ITIH2: variants seen among roughly 807,000 people sequenced by gnomAD.
The protein encoded by ITIH2 is inter-alpha-trypsin inhibitor heavy chain H2.
A neutral mutation model predicts 104.4 loss-of-function variants in ITIH2; 103 were observed. The observed-to-expected ratio is 0.99, with a 90% CI of 0.84 to 1.16. The LOEUF (loss-of-function observed/expected upper bound fraction) is 1.16, where lower values mean the gene tolerates loss of function less well. Among genes scored for constraint, ITIH2 ranks in the 50% most tolerant of loss-of-function variants. The pLI is 0.00. For missense variants in ITIH2, 1,108 were observed against 1,162.4 expected (o/e 0.95, Z 0.68); for synonymous variants, 436 against 435.4 (o/e 1.00, Z -0.02).
At chr10:7,708,153 T>C (rs773705775) in intron 3 of ITIH2, among the ~76,000 whole-genome samples, 2 of 152,238 alleles carry the variant, frequency 1.3e-5, no homozygotes, top group African/African-American at 2.4e-5. Context: ...AGGTTTAATG[T>C]TGGACTACAA....
chr10:7,738,581 G>A (rs1011224732), intron 15 of ITIH2, 40 bp from the exon 16 acceptor site: 1 of 1,611,050 alleles, frequency 6.2e-7, no homozygotes, highest in African/African-American at 1.3e-5. Flanking sequence ...CCGTGGAAAC[G>A]TAAATCTAGA....
At position 7,732,005 on chromosome 10, in the gene ITIH2, A is replaced by T. The variant is rs776711550; in HGVS notation, c.1647+9A>T. The T allele has an allele frequency of 6.2e-7, 1 of 1,605,860 alleles. No individual in the cohort carries two copies. The highest frequency in any genetic ancestry group is 8.5e-7 in the Non-Finnish European group (1 of 1,173,550). On this transcript the variant is annotated intron_variant, in intron 13 of 20. Coordinates refer to ENST00000358415, the MANE Select transcript of ITIH2 (RefSeq NM_002216.3). ...TTATCACGGCGACTTCGGTACTTCCACTTATCCATTTATTCTATCTACTAA... is the reference window on the plus strand; with the variant it reads ...TTATCACGGCGACTTCGGTACTTCCTCTTATCCATTTATTCTATCTACTAA...
At chr10:7,742,052 C>A (rs1450614742) in intron 16 of ITIH2, among the ~76,000 whole-genome samples, 2 of 152,202 alleles carry the variant, frequency 1.3e-5, no homozygotes, top group South Asian at 2.1e-4. Flanking sequence ...CACTATTGCA[C>A]CATGTACTTC....
At chr10:7,707,418 GGA>G (rs2131151831) in intron 3 of ITIH2, among the ~76,000 whole-genome samples, 185 bp downstream of exon 3, 1 of 152,246 alleles carries the variant, frequency 6.6e-6, no homozygotes, top group East Asian at 1.9e-4. Context: ...TTTACAGACA[GGA>G]GAGAGGCCAC....
chr10:7,708,984 T>C, intron 3 of ITIH2, 38 bp from the exon 4 acceptor site: 2 of 1,561,984 alleles, frequency 1.3e-6, no homozygotes, highest in Non-Finnish European at 1.8e-6. Flanking sequence ...CTGTGTGATT[T>C]TTCTATCAGT....
intron 16 of ITIH2, among the ~76,000 whole-genome samples, chr10:7,741,632 C>A (rs979045106): frequency 1.3e-5 from 2 of 152,158 alleles, no homozygotes; most frequent in African/African-American, 4.8e-5. Flanking sequence ...TCCTGTAACT[C>A]CTCTGCAAAC....
chr10:7,725,267 G>T (rs1240900229), intron 9 of ITIH2, among the ~76,000 whole-genome samples: 2 of 152,212 alleles, frequency 1.3e-5, no homozygotes, highest in Non-Finnish European at 2.9e-5. Flanking sequence ...ATCTAAATAG[G>T]TGGTTTCCTG....
Position 7,731,840 on chromosome 10 carries a change from G to A in ITIH2, c.1491G>A (p.Leu497=), listed in dbSNP as rs368041172. Residue 497 remains leucine, a synonymous_variant, in exon 13 of 21, where the codon TTG becomes TTA. Transcript: ENST00000358415. ...TCTACAACCAGGTCTCCACTCCATT[G>A]CTCCGGAATGTTCAGTTCAACTATC... is the stretch of plus-strand genomic sequence containing the variant. ...KKFYNQVSTP[L]LRNVQFNYPH... 1 of 1,612,172 alleles carries A rather than the reference G, an allele frequency of 6.2e-7. No individual in the cohort carries two copies. The highest frequency in any genetic ancestry group is 8.5e-7 in the Non-Finnish European group (1 of 1,178,940).
At position 7,749,444 on chromosome 10, in the gene ITIH2, A is replaced by C; in HGVS notation, c.*110A>C. The stretch of plus-strand genomic sequence containing the variant: ...AAATGAACCAGATATCAGGGTGGTT[A>C]ATTAAAATGAACCAGATATCAGGGT... On this transcript the variant is annotated 3_prime_UTR_variant, in exon 21 of 21. Transcript: ENST00000358415. 1.1e-6 allele frequency: 1 copy of C among 897,608 alleles called. No individual in the cohort carries two copies. The highest frequency in any genetic ancestry group is 1.7e-6 in the Non-Finnish European group (1 of 596,264). The allele number at this position is 897,608 out of a possible 1,614,324, so 55.6% of individuals were successfully genotyped here.
At position 7,741,425 on chromosome 10, in the gene ITIH2, G is replaced by A. The variant is rs1484312562; in HGVS notation, c.2096-1721G>A. Among the ~76,000 whole-genome samples the A allele has an allele frequency of 3.9e-5, 6 of 152,006 alleles. No homozygotes were observed. The East Asian group carries it at 7.7e-4, about 20-fold the overall frequency. On this transcript the variant is annotated intron_variant, in intron 16 of 20. Transcript: ENST00000358415. ...GAATGCCTGACCTCGTGATCCACCC[G>A]CCTCAGCCTCCCAAAGTGCTGGGAT...
At position 7,743,199 on chromosome 10, in the gene ITIH2, T is replaced by G. The variant is rs545008351; in HGVS notation, c.2149T>G (p.Cys717Gly). Residue 717 changes from cysteine (C) to glycine (G), a missense_variant, in exon 17 of 21, where the codon TGT becomes GGT. Physicochemically the swap from Cys to Gly is radical, Grantham distance 159 (BLOSUM62 -3). Transcript: ENST00000358415. ...IYLPKSQKNICFNIDSEPGKI... is the reference protein window; with the variant it reads ...IYLPKSQKNIGFNIDSEPGKI... ...TCTACCAAAAAGCCAAAAGAACATT[T>G]GTTTCAATATTGACTCAGAACCTGG... 1.1e-5 allele frequency: 18 copies of G among 1,594,194 alleles called. No individual in the cohort carries two copies. The highest frequency in any genetic ancestry group is 1.5e-5 in the Non-Finnish European group (17 of 1,171,992).
At chr10:7,705,037 T>A (rs1834732615) in intron 1 of ITIH2, 71 bp from the exon 2 acceptor site, 1 of 972,664 alleles carries the variant, frequency 1.0e-6, no homozygotes, top group Non-Finnish European at 1.6e-6. Flanking sequence ...AATCTGCACG[T>A]TGTGCACATG....
intron 20 of ITIH2, among the ~76,000 whole-genome samples, chr10:7,748,377 T>C (rs1040651620): frequency 3.3e-4 from 50 of 149,584 alleles, no homozygotes; most frequent in Non-Finnish European, 6.7e-4. Context: ...TACTTTTAAG[T>C]CTCGTTCACG....
intron 11 of ITIH2, among the ~76,000 whole-genome samples, chr10:7,728,525 G>A (rs1588456704): frequency 6.6e-6 from 1 of 151,966 alleles, no homozygotes; most frequent in African/African-American, 2.4e-5. Flanking sequence ...GGGACTACAG[G>A]TGTGCACCAC....
chr10:7,746,322 C>G (rs1364429719), intron 19 of ITIH2, among the ~76,000 whole-genome samples: 1 of 151,640 alleles, frequency 6.6e-6, no homozygotes, highest in Non-Finnish European at 1.5e-5. Context: ...TTGCAGTGAG[C>G]CGAGATAGCA....
At position 7,712,491 on chromosome 10, in the gene ITIH2, C is replaced by A. The variant is rs189200561; in HGVS notation, c.363-690C>A. ...TAGCTCACAGAATGACCTGATGAACCAGTAATGAGATAATTCGGAATTTAT... is the reference window on the plus strand; with the variant it reads ...TAGCTCACAGAATGACCTGATGAACAAGTAATGAGATAATTCGGAATTTAT... On this transcript the variant is annotated intron_variant, in intron 4 of 20. Transcript: ENST00000358415. Among the ~76,000 whole-genome samples the A allele has an allele frequency of 5.3e-4, 80 of 152,268 alleles. No homozygotes were observed. The East Asian group carries it at 0.01, about 19-fold the overall frequency.
intron 5 of ITIH2, among the ~76,000 whole-genome samples, chr10:7,715,115 C>T (rs966830727): frequency 2.6e-5 from 4 of 152,092 alleles, no homozygotes; most frequent in African/African-American, 9.7e-5. Flanking sequence ...TGAATCAGTC[C>T]TTTTATCTTT....
intron 1 of ITIH2, among the ~76,000 whole-genome samples, chr10:7,704,377 T>C (rs1186302604): frequency 6.6e-6 from 1 of 152,232 alleles, no homozygotes; most frequent in Non-Finnish European, 1.5e-5. Flanking sequence ...AAATCTCAAA[T>C]TGAAGCCAAG....
At chr10:7,708,813 G>A (rs1322926909) in intron 3 of ITIH2, among the ~76,000 whole-genome samples, 1 of 152,108 alleles carries the variant, frequency 6.6e-6, no homozygotes, top group Admixed American at 6.5e-5. Context: ...AAAGTATCTT[G>A]AAACCAAGGC....
Sources: gnomAD v4.1 joint callset for allele counts (sites outside exome capture counted in the v4.1 genomes callset) on GRCh38, gnomAD v4.1.1 for gene constraint, MANE v1.5 for transcripts, NCBI Gene and HGNC (gene_info 2026-07-23, HGNC 2026-07-21) for gene names.